AGBL1: variants seen among roughly 807,000 people sequenced by gnomAD.
AGBL1 encodes the protein AGBL carboxypeptidase 1.
In AGBL1, 130 loss-of-function variants were observed where a neutral mutation model predicts 118.9. The ratio of observed to expected loss-of-function variants is 1.09; its 90% CI spans 0.95 to 1.26. The LOEUF is 1.26. AGBL1 is among the 50% of genes most tolerant of loss of function. AGBL1 has a pLI of 0.00. For missense variants in AGBL1, 1,584 were observed against 1,298.1 expected, an observed-to-expected ratio of 1.22 and a Z score of -3.38; for synonymous variants, 555 against 478.9, an observed-to-expected ratio of 1.16 and a Z score of -2.08.
intron 22 of AGBL1, among the ~76,000 whole-genome samples, chr15:86,878,550 T>A (rs1488287248): frequency 6.6e-6 from 1 of 152,168 alleles, no homozygotes; most frequent in Non-Finnish European, 1.5e-5. Flanking sequence ...CTCCTTCGCT[T>A]TTCTTTCTCT....
intron 1 of AGBL1, among the ~76,000 whole-genome samples, chr15:86,117,475 T>C (rs1052495599): frequency 1.4e-4 from 22 of 152,194 alleles, no homozygotes; most frequent in Admixed American, 3.9e-4. Context: ...GCAAGTTTTG[T>C]AACTTCTATG....
intron 23 of AGBL1, among the ~76,000 whole-genome samples, chr15:86,934,711 G>A (rs534355633): frequency 3.3e-5 from 5 of 152,238 alleles, no homozygotes; most frequent in Non-Finnish European, 7.4e-5. Flanking sequence ...ACAGTATCTG[G>A]CTCAAAGTAA....
chr15:86,801,699 G>A (rs935837564), intron 22 of AGBL1, among the ~76,000 whole-genome samples: 3 of 152,018 alleles, frequency 2.0e-5, no homozygotes, highest in African/African-American at 7.2e-5. Flanking sequence ...TTAACATGGA[G>A]ATCTCTCCAT....
At chr15:86,325,687 G>A (rs1018598810) in intron 17 of AGBL1, among the ~76,000 whole-genome samples, 7 of 152,050 alleles carry the variant, frequency 4.6e-5, no homozygotes, top group Non-Finnish European at 8.8e-5. Context: ...GGTGAGCATC[G>A]AACAGTTAAT....
chr15:86,862,682 T>C (rs2079575009), intron 22 of AGBL1, among the ~76,000 whole-genome samples: 1 of 152,196 alleles, frequency 6.6e-6, no homozygotes, highest in Non-Finnish European at 1.5e-5. Context: ...ATCGCGCCAT[T>C]GCACTCCAGC....
At chr15:86,805,468 G>A (rs2078703606) in intron 22 of AGBL1, among the ~76,000 whole-genome samples, 1 of 152,106 alleles carries the variant, frequency 6.6e-6, no homozygotes. Context: ...AGCCCTCTCT[G>A]CTGAGCCTTC....
At chr15:86,854,943 T>C (rs2079457232) in intron 22 of AGBL1, among the ~76,000 whole-genome samples, 1 of 152,144 alleles carries the variant, frequency 6.6e-6, no homozygotes, top group Non-Finnish European at 1.5e-5. Flanking sequence ...AGTGATATCT[T>C]ATATAGTTGT....
At chr15:86,381,968 G>C (rs1345190510) in intron 17 of AGBL1, among the ~76,000 whole-genome samples, 2 of 152,176 alleles carry the variant, frequency 1.3e-5, no homozygotes, top group African/African-American at 2.4e-5. Flanking sequence ...GGAATGGAGA[G>C]GACGGAAAAT....
intron 22 of AGBL1, among the ~76,000 whole-genome samples, chr15:86,844,268 C>T (rs1044026520): frequency 1.3e-5 from 2 of 152,112 alleles, no homozygotes; most frequent in Non-Finnish European, 2.9e-5. Flanking sequence ...TGGTAAGATA[C>T]GTTTCACTTT....
intron 22 of AGBL1, among the ~76,000 whole-genome samples, chr15:86,795,290 G>T (rs974618742): frequency 5.9e-5 from 9 of 152,130 alleles, no homozygotes; most frequent in Non-Finnish European, 1.3e-4. Flanking sequence ...AGGCTGATTG[G>T]TGGAGCCCTG....
intron 22 of AGBL1, among the ~76,000 whole-genome samples, chr15:86,905,128 C>T (rs984197774): frequency 7.9e-5 from 12 of 152,134 alleles, no homozygotes; most frequent in Non-Finnish European, 1.5e-4. Flanking sequence ...GGTTGGCAGA[C>T]GGTTTTAGGA....
At chr15:86,883,935 T>G (rs939670796) in intron 22 of AGBL1, among the ~76,000 whole-genome samples, 1 of 152,178 alleles carries the variant, frequency 6.6e-6, no homozygotes. Context: ...GGATAAGTTC[T>G]ACGACCCCCC....
At chr15:86,966,137 CT>C (rs778312821) in intron 23 of AGBL1, among the ~76,000 whole-genome samples, 67 of 152,034 alleles carry the variant, frequency 4.4e-4, no homozygotes, top group Non-Finnish European at 7.9e-4. Flanking sequence ...CTGAAAACGC[CT>C]TTTCAAAATA....
intron 22 of AGBL1, among the ~76,000 whole-genome samples, chr15:86,750,544 G>A (rs964046776): frequency 2.0e-5 from 3 of 151,860 alleles, no homozygotes; most frequent in South Asian, 4.1e-4. Context: ...ATCCTGGCAG[G>A]AACATTCATT....
intron 19 of AGBL1, among the ~76,000 whole-genome samples, chr15:86,537,236 G>T (rs1421650932): frequency 6.6e-6 from 1 of 152,222 alleles, no homozygotes; most frequent in Non-Finnish European, 1.5e-5. Context: ...AGGTCAAAAA[G>T]ACTAGTCTGA....
At chr15:86,673,434 G>A (rs1043001612) in intron 21 of AGBL1, among the ~76,000 whole-genome samples, 3 of 152,118 alleles carry the variant, frequency 2.0e-5, no homozygotes, top group East Asian at 1.9e-4. Context: ...TCTTCTAGTC[G>A]CTATACAGCT....
chr15:86,100,079 A>G (rs1347814742), intron 1 of AGBL1, among the ~76,000 whole-genome samples: 1 of 151,984 alleles, frequency 6.6e-6, no homozygotes, highest in African/African-American at 2.4e-5. Flanking sequence ...CTTTTTCAGC[A>G]GGTATTGGGA....
chr15:86,700,078 A>G (rs2086329848), intron 22 of AGBL1, among the ~76,000 whole-genome samples: 1 of 151,918 alleles, frequency 6.6e-6, no homozygotes, highest in South Asian at 2.1e-4. Flanking sequence ...TTATTTAGGT[A>G]TATATCTATG....
At chr15:86,492,605 A>G (rs78875353) in intron 18 of AGBL1, among the ~76,000 whole-genome samples, 1 of 53,548 alleles carries the variant, frequency 1.9e-5, no homozygotes, top group Non-Finnish European at 5.4e-5. Flanking sequence ...AGAAAAAAAA[A>G]AAAAGAAAAA....
Sources: allele counts gnomAD v4.1 joint callset (sites outside exome capture counted in the v4.1 genomes callset), GRCh38; gene constraint gnomAD v4.1.1; transcripts MANE v1.5; gene names NCBI Gene and HGNC (gene_info 2026-07-23, HGNC 2026-07-21).